APBB2: variants seen among roughly 807,000 people sequenced by gnomAD.
APBB2 encodes amyloid beta precursor protein binding family B member 2, also known as Fe65-like 1.
Under a neutral mutation model 82.5 loss-of-function variants are expected in APBB2, and 38 were observed. The ratio of observed to expected loss-of-function variants is 0.46; its 90% CI spans 0.36 to 0.60. APBB2 has a LOEUF of 0.60. Among genes scored for constraint, APBB2 ranks in the 20% least tolerant of loss-of-function variants. APBB2 has a pLI of 0.00. For missense variants in APBB2, 772 were observed against 972.3 expected (o/e 0.79, Z 2.74); for synonymous variants, 341 against 368.2 (o/e 0.93, Z 0.85).
At chr4:41,011,456 G>A (rs1473828300) in intron 6 of APBB2, among the ~76,000 whole-genome samples, 1 of 151,780 alleles carries the variant, frequency 6.6e-6, no homozygotes, top group African/African-American at 2.4e-5. Flanking sequence ...TTTTGAGATG[G>A]AGTCTCGCCT....
chr4:40,823,802 TA>T (rs3841555), intron 15 of APBB2, 43 bp from the exon 16 acceptor site: 193,589 of 1,356,950 alleles, frequency 0.14, 16,233 homozygotes, highest in Admixed American at 0.3. Flanking sequence ...TAAAGCCACT[TA>T]CCACACTCAA....
intron 6 of APBB2, among the ~76,000 whole-genome samples, chr4:40,964,322 T>C (rs1330633648): frequency 6.6e-6 from 1 of 152,066 alleles, no homozygotes; most frequent in Non-Finnish European, 1.5e-5. Context: ...AAGCTATCCC[T>C]AAAAAAACAG....
intron 1 of APBB2, among the ~76,000 whole-genome samples, chr4:41,195,405 T>C: frequency 6.6e-6 from 1 of 152,128 alleles, no homozygotes; most frequent in Non-Finnish European, 1.5e-5. Context: ...CAACAAACCG[T>C]GCTCGCTCCA....
At chr4:40,889,884 T>A (rs553888157) in intron 12 of APBB2, among the ~76,000 whole-genome samples, 4 of 152,302 alleles carry the variant, frequency 2.6e-5, no homozygotes, top group Non-Finnish European at 4.4e-5. Context: ...AACCCAGAAA[T>A]TCCTGATAAT....
At chr4:41,069,302 C>G (rs28498493) in intron 3 of APBB2, among the ~76,000 whole-genome samples, 1 of 152,158 alleles carries the variant, frequency 6.6e-6, no homozygotes, top group Middle Eastern at 3.2e-3. Context: ...ATCTCCTGAA[C>G]GCTTTTCCAT....
chr4:41,107,148 A>G (rs1747566625), intron 2 of APBB2, among the ~76,000 whole-genome samples: 1 of 152,024 alleles, frequency 6.6e-6, no homozygotes, highest in Non-Finnish European at 1.5e-5. Flanking sequence ...CATCTTTACA[A>G]AAAAATACAA....
chr4:41,117,577 C>T (rs907229630), intron 2 of APBB2, among the ~76,000 whole-genome samples: 1 of 152,140 alleles, frequency 6.6e-6, no homozygotes, highest in South Asian at 2.1e-4. Context: ...AGGCGTGAGG[C>T]ACCACGCCTG....
In APBB2 at chr4:40,893,411, A is replaced by G; in HGVS notation, c.1255T>C (p.Cys419Arg). ...CATCCCAGAGAACGCACAGCAAAAC[A>G]CTGGAAGACAGTGAAAGAGGACAAG... ...CSINSDPEAK[C>R]FAVRSLGWVE... Residue 419 changes from cysteine (C) to arginine (R), a missense_variant and splice_region_variant, in exon 11 of 18, where the codon TGT (cysteine) becomes CGT (arginine). Transcript: ENST00000508593. 6.2e-7 allele frequency: 1 copy of G among 1,606,562 alleles called. No homozygotes were observed. The highest frequency in any genetic ancestry group is 8.5e-7 in the Non-Finnish European group (1 of 1,175,658).
intron 2 of APBB2, among the ~76,000 whole-genome samples, chr4:41,125,128 GT>G: frequency 6.6e-6 from 1 of 152,212 alleles, no homozygotes; most frequent in South Asian, 2.1e-4. Context: ...AGGGTCATCT[GT>G]CCCCACAAGC....
intron 10 of APBB2, among the ~76,000 whole-genome samples, chr4:40,902,585 G>A (rs1775627875): frequency 6.6e-6 from 1 of 152,166 alleles, no homozygotes; most frequent in Non-Finnish European, 1.5e-5. Context: ...CCAGGTTGGA[G>A]TACAGTGATA....
chr4:41,203,630 T>C (rs1777239243), intron 1 of APBB2, among the ~76,000 whole-genome samples: 1 of 152,160 alleles, frequency 6.6e-6, no homozygotes, highest in Non-Finnish European at 1.5e-5. Flanking sequence ...ATGCCACGAA[T>C]ACAGAGACCA....
rs748692904 is a variant in APBB2 at position 40,830,594 on chromosome 4, T to C, written c.1530-17A>G. On this transcript the variant is annotated splice_polypyrimidine_tract_variant and intron_variant, in intron 12 of 17. Transcript: ENST00000508593. Reference sequence around the variant, plus strand: ...GCAAAATCCCTGTGCAAGCAAAATGTATCAGTCCATTAGTAAGAGAAGCTG... The same window carrying C: ...GCAAAATCCCTGTGCAAGCAAAATGCATCAGTCCATTAGTAAGAGAAGCTG... 1 of 1,470,966 alleles carries C rather than the reference T, an allele frequency of 6.8e-7. No individual in the cohort carries two copies. Among genetic ancestry groups the C allele is most frequent in the South Asian group, 1.1e-5 (1 of 88,112 alleles). 91.1% of individuals were successfully genotyped at this position (1,470,966 alleles called of 1,614,324 possible).
At chr4:40,915,838 C>T (rs1219034536) in intron 10 of APBB2, among the ~76,000 whole-genome samples, 3 of 152,048 alleles carry the variant, frequency 2.0e-5, no homozygotes, top group African/African-American at 2.4e-5. Context: ...CCCCGGAACC[C>T]GGCCATCTCA....
intron 7 of APBB2, among the ~76,000 whole-genome samples, chr4:40,936,158 A>C (rs1378327387): frequency 6.6e-6 from 1 of 152,224 alleles, no homozygotes; most frequent in Non-Finnish European, 1.5e-5. Context: ...ATGACCCATA[A>C]CTTTTACTCA....
chr4:41,144,306 G>A (rs1760079883), intron 1 of APBB2, among the ~76,000 whole-genome samples: 1 of 152,072 alleles, frequency 6.6e-6, no homozygotes, highest in South Asian at 2.1e-4. Context: ...GAAAGGAACA[G>A]CAGAAAAAAA....
At chr4:41,027,209 G>C (rs1482853384) in intron 5 of APBB2, among the ~76,000 whole-genome samples, 1 of 151,146 alleles carries the variant, frequency 6.6e-6, no homozygotes, top group Admixed American at 6.6e-5. Flanking sequence ...CTGGCTTTCT[G>C]TGCAGTGAGC....
At chr4:40,872,266 T>C (rs1009428896) in intron 12 of APBB2, among the ~76,000 whole-genome samples, 1 of 152,230 alleles carries the variant, frequency 6.6e-6, no homozygotes, top group African/African-American at 2.4e-5. Context: ...CCATGGACTT[T>C]TAGCAGAAAG....
chr4:40,932,580 C>T (rs1327821756), intron 10 of APBB2, among the ~76,000 whole-genome samples: 1 of 152,058 alleles, frequency 6.6e-6, no homozygotes, highest in African/African-American at 2.4e-5. Context: ...CACAGATCTG[C>T]TTTGGGATTC....
At chr4:40,869,533 A>T (rs1764890850) in intron 12 of APBB2, among the ~76,000 whole-genome samples, 1 of 151,956 alleles carries the variant, frequency 6.6e-6, no homozygotes, top group Admixed American at 6.6e-5. Flanking sequence ...GGCTGCAGTG[A>T]GCTATGATCC....
Sources: allele counts gnomAD v4.1 joint callset (sites outside exome capture counted in the v4.1 genomes callset), GRCh38; gene constraint gnomAD v4.1.1; transcripts MANE v1.5; gene names NCBI Gene and HGNC (gene_info 2026-07-23, HGNC 2026-07-21).